Variants in DOCK3 observed in about 807,000 individuals in gnomAD.
DOCK3 encodes the protein dedicator of cytokinesis 3, also known as dedicator of cytokinesis protein 3.
A neutral mutation model predicts 265.6 loss-of-function variants in DOCK3; 60 were observed. The observed-to-expected ratio is 0.23, with a 90% confidence interval of 0.18 to 0.28. The LOEUF (loss-of-function observed/expected upper bound fraction) is 0.28, where lower values mean the gene tolerates loss of function less well. Ranked by LOEUF, DOCK3 falls within the 10% of genes least tolerant of loss-of-function variation. The pLI is 1.00. For synonymous variants in DOCK3, 881 were observed against 938.0 expected (o/e 0.94, Z 1.11); for missense variants, 1,981 against 2,594.3 (o/e 0.76, Z 5.14).
chr3:50,842,777 A>G (rs1223262467), intron 3 of DOCK3, among the ~76,000 whole-genome samples: 1 of 152,226 alleles, frequency 6.6e-6, no homozygotes, highest in African/African-American at 2.4e-5. Flanking sequence ...AAATACATTC[A>G]TGAATGCTTA....
intron 3 of DOCK3, among the ~76,000 whole-genome samples, chr3:50,879,323 C>T (rs1219338597): frequency 1.3e-5 from 2 of 152,152 alleles, no homozygotes; most frequent in Non-Finnish European, 2.9e-5. Context: ...AATTGAAAGA[C>T]ACAGACTGGC....
At chr3:51,203,148 G>C (rs893098073) in intron 12 of DOCK3, among the ~76,000 whole-genome samples, 1 of 152,082 alleles carries the variant, frequency 6.6e-6, no homozygotes, top group African/African-American at 2.4e-5. Context: ...ATTCAACATA[G>C]TGTTGGAAGT....
At chr3:51,043,391 G>A (rs186883532) in intron 5 of DOCK3, among the ~76,000 whole-genome samples, 105 of 152,276 alleles carry the variant, frequency 6.9e-4, no homozygotes, top group African/African-American at 2.5e-3. Flanking sequence ...ATAGGCAGAA[G>A]ATTGAAACTG....
intron 12 of DOCK3, among the ~76,000 whole-genome samples, chr3:51,202,666 T>C (rs1216860515): frequency 2.0e-5 from 3 of 152,274 alleles, no homozygotes; most frequent in South Asian, 2.1e-4. Flanking sequence ...TAACTCATTT[T>C]ATGAGGCCAG....
chr3:51,263,212 A>C (rs2079956911), intron 23 of DOCK3, among the ~76,000 whole-genome samples: 1 of 152,246 alleles, frequency 6.6e-6, no homozygotes, highest in African/African-American at 2.4e-5. Flanking sequence ...TCAGACTAAG[A>C]GCAGATTTCT....
intron 7 of DOCK3, among the ~76,000 whole-genome samples, chr3:51,088,020 A>G (rs1174565822): frequency 6.6e-6 from 1 of 152,208 alleles, no homozygotes; most frequent in East Asian, 1.9e-4. Flanking sequence ...AACAGATGAA[A>G]GGATGAAGAA....
At chr3:50,705,867 TA>T (rs2036379219) in intron 1 of DOCK3, among the ~76,000 whole-genome samples, 1 of 152,032 alleles carries the variant, frequency 6.6e-6, no homozygotes, top group Non-Finnish European at 1.5e-5. Context: ...TCATCTTCAC[TA>T]AAAAATACAA....
At chr3:50,813,420 T>G (rs1379981852) in intron 2 of DOCK3, among the ~76,000 whole-genome samples, 2 of 152,084 alleles carry the variant, frequency 1.3e-5, no homozygotes, top group African/African-American at 4.8e-5. Context: ...TCCCAGCTAC[T>G]CAACAGGCTG....
intron 13 of DOCK3, among the ~76,000 whole-genome samples, chr3:51,210,996 C>G (rs931559803): frequency 1.3e-5 from 2 of 152,134 alleles, no homozygotes; most frequent in African/African-American, 4.8e-5. Context: ...TTTAACAGTT[C>G]CAGTAGTAGC....
At chr3:50,730,793 T>TGCAC (rs2038153650) in intron 1 of DOCK3, among the ~76,000 whole-genome samples, 1 of 151,732 alleles carries the variant, frequency 6.6e-6, no homozygotes, top group South Asian at 2.1e-4. Flanking sequence ...ATCACACCAC[T>TGCAC]GCACGCCAGC....
At chr3:51,366,690 CTT>C (rs1403203608) in intron 49 of DOCK3, among the ~76,000 whole-genome samples, 1 of 152,166 alleles carries the variant, frequency 6.6e-6, no homozygotes, top group East Asian at 1.9e-4. Flanking sequence ...TATGTTGTGT[CTT>C]TGTTCTCATT....
At chr3:51,100,549 G>A (rs761731745) in intron 9 of DOCK3, among the ~76,000 whole-genome samples, 20 of 152,268 alleles carry the variant, frequency 1.3e-4, no homozygotes, top group Non-Finnish European at 2.6e-4. Context: ...CAAGGCAGAC[G>A]CAAAGCAGCT....
chr3:51,230,814 C>T (rs1253132202), intron 19 of DOCK3, among the ~76,000 whole-genome samples: 1 of 152,110 alleles, frequency 6.6e-6, no homozygotes, highest in Non-Finnish European at 1.5e-5. Context: ...CGCGCCCGAC[C>T]TATGTACCAC....
At chr3:51,266,253 C>T (rs2080158831) in intron 23 of DOCK3, among the ~76,000 whole-genome samples, 1 of 152,144 alleles carries the variant, frequency 6.6e-6, no homozygotes, top group Non-Finnish European at 1.5e-5. Flanking sequence ...GCCATACTGC[C>T]CAAAGTAATT....
intron 2 of DOCK3, among the ~76,000 whole-genome samples, chr3:50,827,968 T>C (rs999545378): frequency 1.9e-4 from 28 of 151,040 alleles, no homozygotes; most frequent in Admixed American, 1.3e-4. Context: ...TTTTTTGAGA[T>C]GGAGTCTTGC....
intron 19 of DOCK3, among the ~76,000 whole-genome samples, chr3:51,233,447 C>T (rs1210115628): frequency 6.6e-6 from 1 of 152,080 alleles, no homozygotes; most frequent in Non-Finnish European, 1.5e-5. Flanking sequence ...CTCACTGCAA[C>T]CTCTGCCTCC....
chr3:50,828,005 G>A (rs1416758200), intron 2 of DOCK3, among the ~76,000 whole-genome samples: 2 of 151,522 alleles, frequency 1.3e-5, no homozygotes, highest in African/African-American at 4.9e-5. Flanking sequence ...GAGTGCAGTG[G>A]TGCGATCTCG....
At chr3:51,357,687 C>T (rs769708220) in intron 44 of DOCK3, 71 bp from the exon 45 acceptor site, 33 of 1,521,980 alleles carry the variant, frequency 2.2e-5, no homozygotes, top group Non-Finnish European at 2.6e-5. Context: ...TTAGTGGACT[C>T]AAGTCTCCTG....
chr3:50,970,093 G>T (rs1044724783), intron 5 of DOCK3, among the ~76,000 whole-genome samples: 2 of 151,796 alleles, frequency 1.3e-5, no homozygotes, highest in Non-Finnish European at 2.9e-5. Context: ...GAAAAGAAAA[G>T]AAAAGAAAAA....
Sources: gnomAD v4.1 joint callset for allele counts (sites outside exome capture counted in the v4.1 genomes callset) on GRCh38, gnomAD v4.1.1 for gene constraint, MANE v1.5 for transcripts, NCBI Gene and HGNC (gene_info 2026-07-23, HGNC 2026-07-21) for gene names.